Variants in KCNMB2 observed in about 807,000 individuals in gnomAD.
KCNMB2 encodes the protein calcium-activated potassium channel subunit beta-2.
Under a neutral mutation model 24.5 loss-of-function variants are expected in KCNMB2, and 9 were observed. The ratio of observed to expected loss-of-function variants is 0.37; its 90% CI spans 0.22 to 0.64. The LOEUF (loss-of-function observed/expected upper bound fraction) is 0.64, where lower values mean the gene tolerates loss of function less well. Ranked by LOEUF, KCNMB2 falls within the 30% of genes least tolerant of loss-of-function variation. The pLI is 0.63. For missense variants in KCNMB2, 226 were observed against 284.3 expected, an observed-to-expected ratio of 0.79 and a Z score of 1.47; for synonymous variants, 109 against 104.4, an observed-to-expected ratio of 1.04 and a Z score of -0.27.
At chr3:178,780,105 T>A (rs925743559) in intron 1 of KCNMB2, among the ~76,000 whole-genome samples, 3 of 151,178 alleles carry the variant, frequency 2.0e-5, no homozygotes, top group African/African-American at 7.3e-5. Flanking sequence ...ACACATTTGC[T>A]GTATTTCTAT....
chr3:178,552,178 A>G (rs543024916), intron 1 of KCNMB2, among the ~76,000 whole-genome samples: 22 of 152,344 alleles, frequency 1.4e-4, no homozygotes, highest in African/African-American at 5.3e-4. Context: ...ACGCTGACCA[A>G]GGTTTACAGA....
At chr3:178,650,496 A>T (rs2108558591) in intron 1 of KCNMB2, among the ~76,000 whole-genome samples, 1 of 152,036 alleles carries the variant, frequency 6.6e-6, no homozygotes, top group Non-Finnish European at 1.5e-5. Context: ...GGTGTCTAAG[A>T]TCTTGCTTTA....
intron 1 of KCNMB2, among the ~76,000 whole-genome samples, chr3:178,807,120 C>T (rs961659018): frequency 2.0e-5 from 3 of 152,162 alleles, no homozygotes; most frequent in Non-Finnish European, 2.9e-5. Flanking sequence ...TTCTCAATCC[C>T]GGCAGTATGT....
intron 1 of KCNMB2, among the ~76,000 whole-genome samples, chr3:178,665,677 T>C (rs572429863): frequency 6.6e-6 from 1 of 152,310 alleles, no homozygotes; most frequent in African/African-American, 2.4e-5. Flanking sequence ...ATCTGTCACC[T>C]GCTTAATATC....
chr3:178,591,961 A>G (rs569613077), intron 1 of KCNMB2, among the ~76,000 whole-genome samples: 89 of 152,018 alleles, frequency 5.9e-4, no homozygotes, highest in African/African-American at 2.0e-3. Context: ...TCTGCCACCA[A>G]TGTTTTTTCT....
intron 1 of KCNMB2, among the ~76,000 whole-genome samples, chr3:178,688,604 G>A (rs1044961385): frequency 2.0e-5 from 3 of 151,938 alleles, no homozygotes; most frequent in African/African-American, 7.3e-5. Flanking sequence ...GGCCTGAAAT[G>A]GTTTTGTCCA....
At chr3:178,688,311 T>C (rs374472949) in intron 1 of KCNMB2, among the ~76,000 whole-genome samples, 1 of 152,170 alleles carries the variant, frequency 6.6e-6, no homozygotes, top group African/African-American at 2.4e-5. Context: ...TAAAATCAAG[T>C]TTATGGTCAT....
In KCNMB2 at chr3:178,758,418, CCAAGAGGGGATATATATATATAT is replaced by C. The variant is rs1460201948; in HGVS notation, c.-67-48924_-67-48902del. 2.0e-3 allele frequency among the ~76,000 whole-genome samples: 32 copies of C among 15,798 alleles called. 1 individual carries two copies. The highest frequency in any genetic ancestry group is 3.6e-3 in the East Asian group (2 of 558). The allele number at this position is 15,798 out of a possible 152,430, so 10.4% of individuals were successfully genotyped here. A position where few individuals can be genotyped will look rare whatever the true frequency, so the allele number is the denominator to read the frequency against. On this transcript the variant is annotated intron_variant, in intron 1 of 4. Coordinates refer to ENST00000452583, the MANE Select transcript of KCNMB2 (RefSeq NM_181361.3). The stretch of plus-strand genomic sequence containing the variant: ...TATATATATATATATATATATATAT[CCAAGAGGGGATATATATATATAT>C]ACACACACAAGAGGTGATATATATA...
At chr3:178,739,115 AC>A (rs1723412034) in intron 1 of KCNMB2, among the ~76,000 whole-genome samples, 1 of 148,268 alleles carries the variant, frequency 6.7e-6, no homozygotes, top group Admixed American at 6.8e-5. Flanking sequence ...AAAAAAAAAA[AC>A]ATGTATATCA....
chr3:178,650,243 G>A (rs1230584602), intron 1 of KCNMB2, among the ~76,000 whole-genome samples: 2 of 152,130 alleles, frequency 1.3e-5, no homozygotes, highest in Admixed American at 6.5e-5. Context: ...TGCATTTGCT[G>A]AGGAGTGTTT....
intron 1 of KCNMB2, among the ~76,000 whole-genome samples, chr3:178,576,583 G>A (rs1371762203): frequency 6.6e-6 from 1 of 152,216 alleles, no homozygotes; most frequent in Non-Finnish European, 1.5e-5. Context: ...AGCAAGCTAA[G>A]ATCCCCTGGC....
chr3:178,678,473 G>A (rs564573205), intron 1 of KCNMB2, among the ~76,000 whole-genome samples: 1 of 152,262 alleles, frequency 6.6e-6, no homozygotes, highest in Non-Finnish European at 1.5e-5. Context: ...TAGAAGACAG[G>A]AAAACTGGCA....
chr3:178,745,377 T>C (rs1360362741), intron 1 of KCNMB2, among the ~76,000 whole-genome samples: 2 of 152,196 alleles, frequency 1.3e-5, no homozygotes, highest in East Asian at 3.9e-4. Context: ...ACTTATTTAC[T>C]ATAATTGAGA....
chr3:178,702,643 A>C (rs546846583), intron 1 of KCNMB2, among the ~76,000 whole-genome samples: 1 of 152,250 alleles, frequency 6.6e-6, no homozygotes, highest in South Asian at 2.1e-4. Context: ...TCAAGCAAAA[A>C]TAAATTTCAT....
intron 1 of KCNMB2, among the ~76,000 whole-genome samples, chr3:178,685,233 G>A (rs912207414): frequency 2.0e-5 from 3 of 152,176 alleles, no homozygotes; most frequent in Admixed American, 2.0e-4. Context: ...TCTGCCATTA[G>A]GTTTCCTTGA....
intron 1 of KCNMB2, among the ~76,000 whole-genome samples, chr3:178,683,805 G>C (rs1319929106): frequency 1.3e-5 from 2 of 152,094 alleles, no homozygotes; most frequent in Non-Finnish European, 2.9e-5. Context: ...AAAGTCAAAA[G>C]GTAAATATTG....
chr3:178,662,611 T>C (rs946839372), intron 1 of KCNMB2, among the ~76,000 whole-genome samples: 5 of 152,174 alleles, frequency 3.3e-5, no homozygotes, highest in African/African-American at 1.2e-4. Context: ...AAGGATATCA[T>C]TTAATTTCCA....
intron 1 of KCNMB2, among the ~76,000 whole-genome samples, chr3:178,806,394 G>A (rs1713969597): frequency 6.6e-6 from 1 of 152,130 alleles, no homozygotes; most frequent in African/African-American, 2.4e-5. Flanking sequence ...GCATATAGTA[G>A]ATAATATGGT....
chr3:178,583,626 T>G (rs1717296084), intron 1 of KCNMB2, among the ~76,000 whole-genome samples: 1 of 152,210 alleles, frequency 6.6e-6, no homozygotes, highest in African/African-American at 2.4e-5. Context: ...AAATTTCCTT[T>G]TCACAGCTAA....
Sources: gnomAD v4.1 joint callset for allele counts (sites outside exome capture counted in the v4.1 genomes callset) on GRCh38, gnomAD v4.1.1 for gene constraint, MANE v1.5 for transcripts, NCBI Gene and HGNC (gene_info 2026-07-23, HGNC 2026-07-21) for gene names.